The following RFX8 variants were observed in gnomAD, a reference collection of about 807,000 sequenced individuals.
RFX8 encodes the protein DNA-binding protein RFX8.
RFX8 carries 46 observed loss-of-function variants against 54.6 expected under a neutral mutation model. The ratio of observed to expected loss-of-function variants is 0.84; its 90% CI spans 0.67 to 1.08. The LOEUF is 1.08. RFX8 is among the 50% of genes least tolerant of loss of function. RFX8 has a pLI of 0.00. For synonymous variants in RFX8, 192 were observed against 209.5 expected (o/e 0.92, Z 0.72); for missense variants, 536 against 562.3 (o/e 0.95, Z 0.47).
At chr2:101,419,891 G>A (rs1484354023) in intron 4 of RFX8, among the ~76,000 whole-genome samples, 1 of 152,228 alleles carries the variant, frequency 6.6e-6, no homozygotes, top group Admixed American at 6.5e-5. Context: ...CTCGGAGCAA[G>A]GAGCTTTGGG....
chr2:101,428,886 T>C, intron 2 of RFX8: 1 of 940,690 alleles, frequency 1.1e-6, no homozygotes, highest in East Asian at 2.6e-5. Flanking sequence ...AACAGCTGGA[T>C]CGAATTAAGC....
chr2:101,422,380 C>A lies in RFX8; in HGVS notation c.165G>T (p.Lys55Asn). 6 of 1,532,106 alleles carry A rather than the reference C, an allele frequency of 3.9e-6. No individual in the cohort carries two copies. Among genetic ancestry groups the A allele is most frequent in the Non-Finnish European group, 5.3e-6 (6 of 1,129,064 alleles). The allele number at this position is 1,532,106 out of a possible 1,614,324, so 94.9% of individuals were successfully genotyped here. Residue 55 changes from lysine (K) to asparagine (N), a missense_variant, in exon 3 of 12, where the codon AAG (lysine) becomes AAT (asparagine). Coordinates refer to ENST00000428343, the MANE Select transcript of RFX8 (RefSeq NM_001145664.2). Reference protein sequence around the residue: ...RCPFLEQEQAKKYSCNMMAFL... With the variant: ...RCPFLEQEQANKYSCNMMAFL... ...AACCTACCATATTACAGGAGTATTT[C>A]TTTGCCTGTTCTTGCTCCAGAAATG...
intron 1 of RFX8, among the ~76,000 whole-genome samples, chr2:101,467,182 GT>G (rs778627110): frequency 3.2e-4 from 48 of 152,334 alleles, no homozygotes; most frequent in Admixed American, 1.3e-3. Context: ...CTAAAAAGAA[GT>G]TCAAATTAGG....
chr2:101,400,527 G>A lies in RFX8; in HGVS notation c.1245+1909C>T, dbSNP rs941791422. 3.9e-5 allele frequency among the ~76,000 whole-genome samples: 6 copies of A among 152,140 alleles called. No homozygotes were observed. The South Asian group carries it at 8.3e-4, about 21-fold the overall frequency. ...CTCCTAGGCTATAAATTCTGCACCC[G>A]CCACCCTGTCCCTTCTGTACTCAGA... On this transcript the variant is annotated intron_variant, in intron 11 of 11. Coordinates refer to ENST00000428343, the MANE Select transcript of RFX8 (RefSeq NM_001145664.2).
At chr2:101,426,145 C>T (rs1416463844) in intron 2 of RFX8, among the ~76,000 whole-genome samples, 3 of 152,136 alleles carry the variant, frequency 2.0e-5, no homozygotes, top group Non-Finnish European at 2.9e-5. Flanking sequence ...CAAAATATCA[C>T]GCATATCCAG....
chr2:101,402,566 C>T lies in RFX8; in HGVS notation c.1115G>A (p.Cys372Tyr). 1 of 1,551,898 alleles carries T rather than the reference C, an allele frequency of 6.4e-7. No individual in the cohort carries two copies. Among genetic ancestry groups the T allele is most frequent in the Non-Finnish European group, 8.7e-7 (1 of 1,147,042 alleles). ...HSLNSSLSQA[C>Y]ASPSMEPLGV... The stretch of plus-strand genomic sequence containing the variant: ...CAGTGGCTCCATGCTGGGGCTGGCA[C>T]ACGCCTGCGACAGTGAGGAATTCAG... Residue 372 changes from cysteine (C) to tyrosine (Y), a missense_variant, in exon 11 of 12, where the codon TGT becomes TAT. Physicochemically the swap from Cys to Tyr is radical, Grantham distance 194. Transcript: ENST00000428343.
intron 11 of RFX8, among the ~76,000 whole-genome samples, chr2:101,401,921 C>G (rs1685462443): frequency 6.6e-6 from 1 of 152,158 alleles, no homozygotes; most frequent in Admixed American, 6.5e-5. Context: ...ATGACAATGA[C>G]AAGAACAAAT....
chr2:101,474,401 G>A, intron 1 of RFX8: 1 of 379,682 alleles, frequency 2.6e-6, no homozygotes, highest in African/African-American at 2.1e-5. Flanking sequence ...CGCGGGGGGC[G>A]CGCGGGGCGC....
chr2:101,401,432 G>A (rs1295501792), intron 11 of RFX8, among the ~76,000 whole-genome samples: 2 of 152,176 alleles, frequency 1.3e-5, no homozygotes, highest in African/African-American at 2.4e-5. Context: ...AAGGCATGAA[G>A]AGTTTTAGGC....
chr2:101,398,564 C>A (rs1443650809), intron 11 of RFX8, among the ~76,000 whole-genome samples: 1 of 151,982 alleles, frequency 6.6e-6, no homozygotes, highest in Non-Finnish European at 1.5e-5. Context: ...GGGGAAAAAA[C>A]CTATGAAAAC....
In RFX8 at chr2:101,412,840, G is replaced by A. The variant is rs141041589; in HGVS notation, c.718+75C>T. On this transcript the variant is annotated intron_variant, in intron 8 of 11. Coordinates refer to ENST00000428343, the MANE Select transcript of RFX8 (RefSeq NM_001145664.2). Reference sequence around the variant, plus strand: ...GTTCTACCCCTATTAAGAAATTCATGAGTTAACGATGGCCATGCTAGCCCC... The same window carrying A: ...GTTCTACCCCTATTAAGAAATTCATAAGTTAACGATGGCCATGCTAGCCCC... 8,960 of 1,343,438 alleles carry A rather than the reference G, an allele frequency of 6.7e-3. 31 individuals carry two copies. Among genetic ancestry groups the A allele is most frequent in the Middle Eastern group, 0.012 (63 of 5,374 alleles). 83.2% of individuals were successfully genotyped at this position (1,343,438 alleles called of 1,614,324 possible). A position where few individuals can be genotyped will look rare whatever the true frequency, so the allele number is the denominator to read the frequency against.
intron 2 of RFX8, among the ~76,000 whole-genome samples, chr2:101,438,493 C>CTAG (rs1374285031): frequency 6.6e-6 from 1 of 152,186 alleles, no homozygotes; most frequent in Non-Finnish European, 1.5e-5. Flanking sequence ...TGAAGGACAT[C>CTAG]TAGGCTGATT....
intron 2 of RFX8, among the ~76,000 whole-genome samples, chr2:101,443,189 G>A (rs1297250780): frequency 5.3e-5 from 8 of 152,084 alleles, no homozygotes; most frequent in Non-Finnish European, 7.4e-5. Context: ...GCTCTGCTGC[G>A]GTGCTGATTG....
rs1420864143 is a variant in RFX8 at position 101,402,561 on chromosome 2, T to C, written c.1120A>G (p.Ser374Gly). 1.3e-6 allele frequency: 2 copies of C among 1,551,748 alleles called. No individual in the cohort carries two copies. Among genetic ancestry groups the C allele is most frequent in the South Asian group, 2.4e-5 (2 of 84,064 alleles). ...ACCCCCAGTGGCTCCATGCTGGGGC[T>C]GGCACACGCCTGCGACAGTGAGGAA... Reference protein sequence around the residue: ...LNSSLSQACASPSMEPLGVMP... With the variant: ...LNSSLSQACAGPSMEPLGVMP... The change falls in exon 11 of 12, where the codon AGC becomes GGC. Residue 374 changes from serine to glycine, a missense_variant. By Grantham distance (56) the Ser-to-Gly change is moderately conservative (BLOSUM62 0). Transcript: ENST00000428343.
intron 2 of RFX8, among the ~76,000 whole-genome samples, chr2:101,433,872 T>C (rs1030365736): frequency 6.6e-6 from 1 of 152,246 alleles, no homozygotes; most frequent in Non-Finnish European, 1.5e-5. Context: ...ATTATTTTGG[T>C]TTTGATTAAG....
At chr2:101,401,219 T>C (rs567823958) in intron 11 of RFX8, among the ~76,000 whole-genome samples, 2 of 152,314 alleles carry the variant, frequency 1.3e-5, no homozygotes, top group East Asian at 1.9e-4. Context: ...CAAATACAGA[T>C]AGAGAACTGG....
At chr2:101,418,780 T>C (rs1302990431) in intron 5 of RFX8, 71 bp downstream of exon 5, 1 of 892,240 alleles carries the variant, frequency 1.1e-6, no homozygotes, top group Non-Finnish European at 1.8e-6. Flanking sequence ...GGTGGAGCTG[T>C]GGGTCCAAAC....
chr2:101,463,053 A>G (rs1174208249), intron 2 of RFX8, among the ~76,000 whole-genome samples: 1 of 152,168 alleles, frequency 6.6e-6, no homozygotes, highest in Admixed American at 6.6e-5. Flanking sequence ...TTGTCTAATT[A>G]TTATCTGTCC....
At chr2:101,417,492 C>G in intron 6 of RFX8, 42 bp downstream of exon 6, 1 of 1,522,242 alleles carries the variant, frequency 6.6e-7, no homozygotes, top group South Asian at 1.3e-5. Flanking sequence ...AGGCATGAGC[C>G]ACTGTGCCAG....
Sources: gnomAD v4.1 joint callset for allele counts (sites outside exome capture counted in the v4.1 genomes callset) on GRCh38, gnomAD v4.1.1 for gene constraint, MANE v1.5 for transcripts, NCBI Gene and HGNC (gene_info 2026-07-23, HGNC 2026-07-21) for gene names.